NCAPD2: variants seen among roughly 807,000 people sequenced by gnomAD.
NCAPD2 encodes the protein non-SMC condensin I complex subunit D2, also known as condensin complex subunit 1.
A neutral mutation model predicts 164.5 loss-of-function variants in NCAPD2; 100 were observed. The observed-to-expected ratio is 0.61, with a 90% CI of 0.52 to 0.72. The LOEUF is 0.72. Among genes scored for constraint, NCAPD2 ranks in the 30% least tolerant of loss-of-function variants. NCAPD2 has a pLI of 0.00. For synonymous variants in NCAPD2, 585 were observed against 642.6 expected (o/e 0.91, Z 1.36); for missense variants, 1,560 against 1,749.2 (o/e 0.89, Z 1.93).
In NCAPD2 at chr12:6,529,933, G is replaced by A. The variant is rs762518201; in HGVS notation, c.3812G>A (p.Arg1271Gln). Residue 1271 changes from arginine to glutamine, a missense_variant, in exon 29 of 32, where the codon CGA (arginine) becomes CAA (glutamine). Coordinates refer to ENST00000315579, the MANE Select transcript of NCAPD2 (RefSeq NM_014865.4). ...TTTTTGTCAGTTGTAGGCAAGCTGC[G>A]ACGTGGGGCCAAGCCTGAGGGCAAG... Reference protein sequence around the residue: ...SAFLSVVGKLRRGAKPEGKAI... With the variant: ...SAFLSVVGKLQRGAKPEGKAI... 55 of 1,613,836 alleles carry A rather than the reference G, an allele frequency of 3.4e-5. No homozygotes were observed. Among genetic ancestry groups the A allele is most frequent in the South Asian group, 5.5e-5 (5 of 91,044 alleles).
chr12:6,499,609 C>T (rs1323048078), intron 2 of NCAPD2, among the ~76,000 whole-genome samples: 1 of 150,938 alleles, frequency 6.6e-6, no homozygotes, highest in Non-Finnish European at 1.5e-5. Flanking sequence ...CCAGGCTGGT[C>T]TCGAACTCCT....
At chr12:6,506,270 T>C (rs1166753392) in intron 2 of NCAPD2, among the ~76,000 whole-genome samples, 1 of 152,092 alleles carries the variant, frequency 6.6e-6, no homozygotes, top group African/African-American at 2.4e-5. Context: ...CATCAAGTTT[T>C]GATAAGTTTT....
intron 4 of NCAPD2, 187 bp downstream of exon 4, chr12:6,510,320 G>A (rs749096964): frequency 2.0e-5 from 16 of 802,522 alleles, no homozygotes; most frequent in Non-Finnish European, 2.7e-5. Context: ...GGGCGATACA[G>A]AGTTATGTGT....
At chr12:6,502,750 G>A (rs1946049640) in intron 2 of NCAPD2, among the ~76,000 whole-genome samples, 1 of 152,076 alleles carries the variant, frequency 6.6e-6, no homozygotes, top group South Asian at 2.1e-4. Flanking sequence ...GAAGTTTGAG[G>A]CTGCAGTAAG....
Position 6,523,021 on chromosome 12 carries a change from C to T in NCAPD2, c.2129+19C>T, listed in dbSNP as rs1212133729. 6.2e-7 allele frequency: 1 copy of T among 1,612,232 alleles called. No individual in the cohort carries two copies. The highest frequency in any genetic ancestry group is 1.3e-5 in the African/African-American group (1 of 74,786). On this transcript the variant is annotated intron_variant, in intron 16 of 31. Coordinates refer to ENST00000315579, the MANE Select transcript of NCAPD2 (RefSeq NM_014865.4). Reference sequence around the variant, plus strand: ...CTGCCAGGTATATGGGGTGCTTTTGCCTTTGCTGACTTTTCCAAGGTCAGC... The same window carrying T: ...CTGCCAGGTATATGGGGTGCTTTTGTCTTTGCTGACTTTTCCAAGGTCAGC...
intron 2 of NCAPD2, among the ~76,000 whole-genome samples, chr12:6,501,261 G>GAT (rs1946033381): frequency 1.2e-5 from 1 of 85,514 alleles, no homozygotes; most frequent in Admixed American, 1.5e-4. Flanking sequence ...TTTTTTTTTA[G>GAT]GCAGAGTCTC....
rs779228154 is a variant in NCAPD2 at position 6,525,682 on chromosome 12, T to C, written c.2314T>C (p.Cys772Arg). The C allele has an allele frequency of 6.2e-7, 1 of 1,613,736 alleles. No individual in the cohort carries two copies. The highest frequency in any genetic ancestry group is 1.1e-5 in the South Asian group (1 of 91,068). Residue 772 changes from cysteine (C) to arginine (R), a missense_variant, in exon 18 of 32, where the codon TGT becomes CGT. Coordinates refer to ENST00000315579, the MANE Select transcript of NCAPD2 (RefSeq NM_014865.4). ...GGTCGCCTGCTGTCCTCTGGAGCGC[T>C]GTTCCTCTGTCATGCTTCTTGGCAT... ...EKVACCPLER[C>R]SSVMLLGMMA...
In NCAPD2 at chr12:6,521,836, T is replaced by G; in HGVS notation, c.1753T>G (p.Ser585Ala). Residue 585 changes from serine to alanine, a missense_variant, in exon 15 of 32, where the codon TCT (serine) becomes GCT (alanine). Transcript: ENST00000315579. ...CACACAAGAAAAGAATCCCCGGGAG[T>G]CTACAGGAAACATGGTCACAGGACA... The part of the protein sequence containing the change: ...ASTQEKNPRE[S>A]TGNMVTGQTV... 1 of 1,613,940 alleles carries G rather than the reference T, an allele frequency of 6.2e-7. No homozygotes were observed. Among genetic ancestry groups the G allele is most frequent in the Non-Finnish European group, 8.5e-7 (1 of 1,179,944 alleles).
intron 6 of NCAPD2, 102 bp from the exon 7 acceptor site, chr12:6,514,163 C>A (rs1946177815): frequency 2.7e-6 from 4 of 1,494,594 alleles, no homozygotes; most frequent in Admixed American, 3.6e-5. Flanking sequence ...ATAAAGAAAA[C>A]CCTGACTTTG....
chr12:6,520,554 T>C (rs1946254874), intron 13 of NCAPD2, among the ~76,000 whole-genome samples: 1 of 152,192 alleles, frequency 6.6e-6, no homozygotes, highest in Admixed American at 6.5e-5. Flanking sequence ...TGATCTCAAA[T>C]TCCTGGGCTC....
intron 2 of NCAPD2, among the ~76,000 whole-genome samples, chr12:6,508,926 T>C (rs764165662): frequency 6.6e-6 from 1 of 152,034 alleles, no homozygotes; most frequent in Non-Finnish European, 1.5e-5. Context: ...CCAACCCAAA[T>C]TGAGGGACAT....
chr12:6,502,005 T>C (rs1220736183), intron 2 of NCAPD2, among the ~76,000 whole-genome samples: 2 of 152,156 alleles, frequency 1.3e-5, no homozygotes, highest in African/African-American at 2.4e-5. Flanking sequence ...TTAGAGATGA[T>C]GAATTTACAT....
At chr12:6,495,910 T>C (rs1945978081) in intron 2 of NCAPD2, among the ~76,000 whole-genome samples, 1 of 152,150 alleles carries the variant, frequency 6.6e-6, no homozygotes, top group African/African-American at 2.4e-5. Context: ...GGTTTCGTCA[T>C]CTGTAAATAT....
Position 6,528,693 on chromosome 12 carries a change from C to A in NCAPD2, c.3314C>A (p.Ala1105Asp). ...PHLYARLRDP[A>D]QQVRKTAGLV... Reference sequence around the variant, plus strand: ...TCCATTCCTAGTCTCCGGGACCCTGCTCAGCAAGTGCGGAAAACAGCGGGG... The same window carrying A: ...TCCATTCCTAGTCTCCGGGACCCTGATCAGCAAGTGCGGAAAACAGCGGGG... Residue 1105 changes from alanine to aspartate, a missense_variant, in exon 26 of 32, where the codon GCT becomes GAT. Ala to Asp is a moderately radical substitution (Grantham distance 126, BLOSUM62 -2). Transcript: ENST00000315579. The surrounding 1 kb of genome is among the most constrained non-coding windows in gnomAD (Gnocchi z 5.1). The A allele has an allele frequency of 6.2e-7, 1 of 1,612,660 alleles. No individual in the cohort carries two copies. Among genetic ancestry groups the A allele is most frequent in the South Asian group, 1.1e-5 (1 of 91,060 alleles).
rs369341180 is a variant in NCAPD2 at position 6,517,009 on chromosome 12, G to A, written c.1169G>A (p.Arg390Gln). The change falls in exon 10 of 32, where the codon CGA (arginine) becomes CAA (glutamine). Residue 390 changes from arginine (R) to glutamine (Q), a missense_variant. Coordinates refer to ENST00000315579, the MANE Select transcript of NCAPD2 (RefSeq NM_014865.4). ...VRSRVLQLFT[R>Q]IVQQKALPLT... ...AGCCGTGTTTTGCAGCTCTTCACCC[G>A]AATTGTCCAGCAGAAGGTAACCAAC... 7 of 1,614,060 alleles carry A rather than the reference G, an allele frequency of 4.3e-6. No homozygotes were observed. The highest frequency in any genetic ancestry group is 3.3e-5 in the Admixed American group (2 of 60,006).
At chr12:6,519,481 C>T (rs1248832985) in intron 13 of NCAPD2, among the ~76,000 whole-genome samples, 1 of 152,184 alleles carries the variant, frequency 6.6e-6, no homozygotes, top group African/African-American at 2.4e-5. Context: ...CCCACATTAG[C>T]CTCCTGAGTA....
At chr12:6,502,470 G>A (rs900867872) in intron 2 of NCAPD2, among the ~76,000 whole-genome samples, 3 of 152,294 alleles carry the variant, frequency 2.0e-5, no homozygotes, top group South Asian at 4.1e-4. Context: ...TGAGTTTAAC[G>A]TAAGACTAGT....
At chr12:6,522,763 T>C (rs1946276087) in intron 15 of NCAPD2, 65 bp from the exon 16 acceptor site, 1 of 1,559,540 alleles carries the variant, frequency 6.4e-7, no homozygotes. Flanking sequence ...TCAGAAAGGT[T>C]CTGTCGTTAG....
intron 2 of NCAPD2, among the ~76,000 whole-genome samples, chr12:6,498,615 C>CTT (rs34041906): frequency 1.3e-4 from 19 of 148,270 alleles, no homozygotes; most frequent in South Asian, 8.5e-4. Flanking sequence ...AACAACAATT[C>CTT]TTTTTTTTTT....
Sources: gnomAD v4.1 joint callset for allele counts (sites outside exome capture counted in the v4.1 genomes callset) on GRCh38, gnomAD v4.1.1 for gene constraint, Gnocchi (gnomAD v3.1) non-coding constraint, MANE v1.5 for transcripts, NCBI Gene and HGNC (gene_info 2026-07-23, HGNC 2026-07-21) for gene names.